The following GIGYF2 variants were observed in gnomAD, a reference collection of about 807,000 sequenced individuals.
The protein encoded by GIGYF2 is GRB10-interacting GYF protein 2.
A neutral mutation model predicts 208.1 loss-of-function variants in GIGYF2; 25 were observed. That is an observed-to-expected ratio of 0.12 (90% CI 0.09 to 0.17). The LOEUF (loss-of-function observed/expected upper bound fraction) is 0.17. Ranked by LOEUF, GIGYF2 falls within the 10% of genes least tolerant of loss-of-function variation. The pLI is 1.00. For synonymous variants in GIGYF2, 534 were observed against 543.8 expected, an observed-to-expected ratio of 0.98 and a Z score of 0.25; for missense variants, 1,302 against 1,579.4, an observed-to-expected ratio of 0.82 and a Z score of 2.98.
intron 8 of GIGYF2, among the ~76,000 whole-genome samples, chr2:232,763,776 C>T (rs991577031): frequency 8.6e-5 from 13 of 151,062 alleles, no homozygotes; most frequent in South Asian, 6.3e-4. Context: ...GGCTGCAGTG[C>T]GCTGAGATTG....
chr2:232,745,813 A>G (rs945631943), intron 3 of GIGYF2, among the ~76,000 whole-genome samples: 2 of 152,234 alleles, frequency 1.3e-5, no homozygotes, highest in Non-Finnish European at 2.9e-5. Flanking sequence ...ATGGAATAAC[A>G]TACCACTACA....
chr2:232,841,654 G>T (rs1442300932), intron 23 of GIGYF2, among the ~76,000 whole-genome samples: 1 of 151,828 alleles, frequency 6.6e-6, no homozygotes, highest in African/African-American at 2.4e-5. Context: ...GAACTTTTAA[G>T]TCTCCCTGTA....
intron 12 of GIGYF2, among the ~76,000 whole-genome samples, chr2:232,792,276 G>T (rs932018539): frequency 1.3e-5 from 2 of 152,010 alleles, no homozygotes; most frequent in South Asian, 4.1e-4. Context: ...ACTAGGGTAG[G>T]TGTCTTCTTC....
chr2:232,840,682 G>T (rs1302780286), intron 23 of GIGYF2, among the ~76,000 whole-genome samples: 1 of 152,174 alleles, frequency 6.6e-6, no homozygotes, highest in Non-Finnish European at 1.5e-5. Flanking sequence ...AAAATGAAGC[G>T]TATGAGAGGT....
intron 22 of GIGYF2, among the ~76,000 whole-genome samples, chr2:232,836,294 A>ACT (rs1249519369): frequency 0.28 from 7,088 of 25,320 alleles, 1,918 homozygotes; most frequent in Non-Finnish European, 0.37. Context: ...ATATATATAT[A>ACT]TATATATATA....
chr2:232,786,034 T>C (rs1195556074), intron 8 of GIGYF2, among the ~76,000 whole-genome samples: 1 of 152,224 alleles, frequency 6.6e-6, no homozygotes, highest in East Asian at 1.9e-4. Flanking sequence ...GAATGGTGAC[T>C]GAAGAATTTG....
intron 2 of GIGYF2, among the ~76,000 whole-genome samples, chr2:232,709,576 T>C (rs552356918): frequency 9.2e-5 from 14 of 152,232 alleles, no homozygotes; most frequent in South Asian, 8.3e-4. Context: ...TTTAGGAGGC[T>C]GAGGCAGGTG....
chr2:232,840,523 TGCTCATTCA>T (rs1701783098), intron 23 of GIGYF2, among the ~76,000 whole-genome samples: 1 of 97,474 alleles, frequency 1.0e-5, no homozygotes, highest in African/African-American at 3.6e-5. Context: ...TGCCATTCGG[TGCTCATTCA>T]TTCATTCATT....
chr2:232,772,770 C>T (rs1221155099), intron 8 of GIGYF2, among the ~76,000 whole-genome samples: 1 of 152,076 alleles, frequency 6.6e-6, no homozygotes, highest in Non-Finnish European at 1.5e-5. Context: ...AGGTAGATAC[C>T]CTTGAGAGTG....
chr2:232,700,353 A>T (rs1695787407), intron 1 of GIGYF2, among the ~76,000 whole-genome samples: 1 of 152,108 alleles, frequency 6.6e-6, no homozygotes, highest in African/African-American at 2.4e-5. Flanking sequence ...AATACTCCAT[A>T]TTGTCTCTTC....
chr2:232,767,686 T>G (rs757011063), intron 8 of GIGYF2: 1 of 161,236 alleles, frequency 6.2e-6, no homozygotes, highest in South Asian at 1.8e-4. Context: ...TACTCAAGTT[T>G]CATAGTATAA....
chr2:232,732,448 A>G (rs1432180977), intron 2 of GIGYF2, among the ~76,000 whole-genome samples: 1 of 152,014 alleles, frequency 6.6e-6, no homozygotes, highest in Non-Finnish European at 1.5e-5. Flanking sequence ...TTTAGTTTTG[A>G]TACAGAATCA....
chr2:232,855,231 C>T (rs1183472676), intron 28 of GIGYF2, among the ~76,000 whole-genome samples: 4 of 151,940 alleles, frequency 2.6e-5, no homozygotes, highest in African/African-American at 4.8e-5. Flanking sequence ...GGATTACAGG[C>T]GTGCAGCGCC....
chr2:232,838,204 G>A (rs1340453765), intron 22 of GIGYF2, among the ~76,000 whole-genome samples: 1 of 151,994 alleles, frequency 6.6e-6, no homozygotes, highest in Non-Finnish European at 1.5e-5. Flanking sequence ...ATGAAATATA[G>A]AGTATATATT....
intron 8 of GIGYF2, among the ~76,000 whole-genome samples, chr2:232,784,540 G>A (rs551325197): frequency 7.8e-4 from 118 of 151,268 alleles, no homozygotes; most frequent in African/African-American, 2.6e-3. Context: ...ACAGGCGCCC[G>A]CCACCGCGCC....
At chr2:232,771,769 T>A (rs1699258975) in intron 8 of GIGYF2, among the ~76,000 whole-genome samples, 1 of 152,242 alleles carries the variant, frequency 6.6e-6, no homozygotes, top group South Asian at 2.1e-4. Context: ...AGTTAATTTA[T>A]AATTATGCAT....
chr2:232,815,703 A>G lies in GIGYF2; in HGVS notation c.2174A>G (p.Gln725Arg). The G allele has an allele frequency of 6.2e-7, 1 of 1,605,838 alleles. No individual in the cohort carries two copies. Among genetic ancestry groups the G allele is most frequent in the Non-Finnish European group, 8.5e-7 (1 of 1,172,396 alleles). The change falls in exon 19 of 29, where the codon CAG becomes CGG. Residue 725 changes from glutamine (Q) to arginine (R), a missense_variant. Physicochemically the swap from Gln to Arg is conservative, Grantham distance 43. Around this residue, in one of 8 missense-constraint regions of GIGYF2, gnomAD observed 701 missense variants for 793.0 expected, o/e 0.88. Transcript: ENST00000373563. The part of the protein sequence containing the change: ...DTTTPGPALE[Q>R]LQQLEKAKAA... ...ACGACACCAGGCCCTGCCCTGGAAC[A>G]GCTTCAGCAGCTAGAGAAGGCCAAA...
chr2:232,756,165 T>A, intron 5 of GIGYF2, 58 bp from the exon 6 acceptor site: 1 of 1,001,994 alleles, frequency 1.0e-6, no homozygotes, highest in East Asian at 2.5e-5. Context: ...ATCTGTTTCA[T>A]CCATTTTTTT....
chr2:232,811,428 A>G lies in GIGYF2; in HGVS notation c.2006+77A>G, dbSNP rs1398433406. 3.5e-6 allele frequency: 3 copies of G among 866,318 alleles called. No individual in the cohort carries two copies. In the African/African-American group the frequency reaches 4.9e-5, roughly 14 times the overall value. The allele number at this position is 866,318 out of a possible 1,614,324, so 53.7% of individuals were successfully genotyped here. A position where few individuals can be genotyped will look rare whatever the true frequency, so the allele number is the denominator to read the frequency against. On this transcript the variant is annotated intron_variant, in intron 17 of 28. Coordinates refer to ENST00000373563, the MANE Select transcript of GIGYF2 (RefSeq NM_001103146.3). ...AAGAGAAGAAAGGAGAAATTCTGGT[A>G]TAGTGTGTGATTTCTGGCACTGGAA...
Sources: gnomAD v4.1 joint callset for allele counts (sites outside exome capture counted in the v4.1 genomes callset) on GRCh38, gnomAD v4.1.1 for gene constraint, gnomAD v4.1.1 regional missense constraint, MANE v1.5 for transcripts, NCBI Gene and HGNC (gene_info 2026-07-23, HGNC 2026-07-21) for gene names.